The following DPP10 variants were observed in gnomAD, a reference collection of about 807,000 sequenced individuals.
The protein encoded by DPP10 is inactive dipeptidyl peptidase 10.
DPP10 carries 33 observed loss-of-function variants against 120.9 expected under a neutral mutation model. That is an observed-to-expected ratio of 0.27 (90% CI 0.21 to 0.37). The LOEUF (loss-of-function observed/expected upper bound fraction) is 0.37. Ranked by LOEUF, DPP10 falls within the 10% of genes least tolerant of loss-of-function variation. DPP10 has a pLI of 1.00. For synonymous variants in DPP10, 337 were observed against 326.1 expected (o/e 1.03, Z -0.36); for missense variants, 816 against 942.8 (o/e 0.87, Z 1.76).
intron 1 of DPP10, among the ~76,000 whole-genome samples, chr2:114,836,790 G>A (rs1436415304): frequency 6.6e-6 from 1 of 152,144 alleles, no homozygotes; most frequent in Non-Finnish European, 1.5e-5. Flanking sequence ...CATAAAAGAT[G>A]GCCGCACCCA....
In DPP10 at chr2:114,973,194, G is replaced by C. The variant is rs568653535; in HGVS notation, c.61-336045G>C. On this transcript the variant is annotated intron_variant, in intron 1 of 25. Transcript: ENST00000410059. ...AATGTCATAGCACAATGAATTTCTC[G>C]TGTGAGTGATGATGATGCTGTAAAC... is the stretch of plus-strand genomic sequence containing the variant. Among the ~76,000 whole-genome samples the C allele has an allele frequency of 3.3e-5, 5 of 152,104 alleles. No homozygotes were observed. The South Asian group carries it at 1.0e-3, about 32-fold the overall frequency.
intron 1 of DPP10, among the ~76,000 whole-genome samples, chr2:114,487,171 C>T (rs143776545): frequency 6.6e-6 from 1 of 152,280 alleles, no homozygotes; most frequent in Admixed American, 6.5e-5. Context: ...CCATATCTTG[C>T]CCTTGCACAC....
At chr2:115,049,680 A>G (rs556270368) in intron 1 of DPP10, among the ~76,000 whole-genome samples, 1 of 152,188 alleles carries the variant, frequency 6.6e-6, no homozygotes, top group Non-Finnish European at 1.5e-5. Flanking sequence ...GATCTGATAT[A>G]CTCACTATAT....
intron 1 of DPP10, among the ~76,000 whole-genome samples, chr2:115,254,636 GT>G (rs2058898984): frequency 1.3e-5 from 2 of 152,174 alleles, no homozygotes; most frequent in Non-Finnish European, 2.9e-5. Flanking sequence ...TCAAAAGCAA[GT>G]TAGTTACTTC....
At chr2:114,653,859 G>A (rs747910918) in intron 1 of DPP10, among the ~76,000 whole-genome samples, 27 of 152,208 alleles carry the variant, frequency 1.8e-4, no homozygotes, top group East Asian at 1.5e-3. Flanking sequence ...GATTCTCTTC[G>A]GGAATCCCTG....
chr2:114,500,198 A>G lies in DPP10; in HGVS notation c.60+57360A>G, dbSNP rs188064213. Among the ~76,000 whole-genome samples the G allele has an allele frequency of 2.6e-3, 391 of 152,388 alleles. 1 individual carries two copies. Among genetic ancestry groups the G allele is most frequent in the Non-Finnish European group, 4.7e-3 (320 of 68,040 alleles). ...AGAAACTAACAGAAGCCTGCCACAC[A>G]GTAGCCATTTAACATGGATTGATTC... On this transcript the variant is annotated intron_variant, in intron 1 of 25. Transcript: ENST00000410059.
At chr2:115,474,383 A>G (rs751384345) in intron 3 of DPP10, among the ~76,000 whole-genome samples, 5 of 152,186 alleles carry the variant, frequency 3.3e-5, no homozygotes, top group Non-Finnish European at 4.4e-5. Context: ...ATTAGAAAAC[A>G]TCATAGACCA....
Position 114,664,786 on chromosome 2 carries a change from A to ATGGCAGAGAGCATCCAAAAGG in DPP10, c.60+221969_60+221989dup, listed in dbSNP as rs1558982460. Among the ~76,000 whole-genome samples, 7 of 151,276 alleles carry ATGGCAGAGAGCATCCAAAAGG rather than the reference A, an allele frequency of 4.6e-5. No individual in the cohort carries two copies. The South Asian group carries it at 1.0e-3, about 23-fold the overall frequency. On this transcript the variant is annotated intron_variant, in intron 1 of 25. Coordinates refer to ENST00000410059, the MANE Select transcript of DPP10 (RefSeq NM_020868.6). ...AAAGATGGCATAGAGCATCCAAAAG[A>ATGGCAGAGAGCATCCAAAAGG]TGGCAGAGAGCATCCAAAAGGTGGC... is the stretch of plus-strand genomic sequence containing the variant.
At chr2:115,332,222 A>G (rs1262035529) in intron 2 of DPP10, among the ~76,000 whole-genome samples, 3 of 152,112 alleles carry the variant, frequency 2.0e-5, no homozygotes, top group Admixed American at 6.6e-5. Flanking sequence ...AGAGGTGTTT[A>G]TAGTATTCTC....
At chr2:114,501,015 G>T in intron 1 of DPP10, among the ~76,000 whole-genome samples, 1 of 152,170 alleles carries the variant, frequency 6.6e-6, no homozygotes, top group South Asian at 2.1e-4. Flanking sequence ...ACCTGCTTTA[G>T]GGTGGAAACT....
At chr2:115,297,594 C>T (rs1559382890) in intron 1 of DPP10, among the ~76,000 whole-genome samples, 1 of 152,026 alleles carries the variant, frequency 6.6e-6, no homozygotes, top group Non-Finnish European at 1.5e-5. Flanking sequence ...GCACCAAGAA[C>T]TTAGCTTGGC....
At chr2:115,141,646 G>T (rs2050933233) in intron 1 of DPP10, among the ~76,000 whole-genome samples, 2 of 152,184 alleles carry the variant, frequency 1.3e-5, no homozygotes, top group Non-Finnish European at 2.9e-5. Flanking sequence ...ATTCGGAAAA[G>T]AAATAATTTT....
At chr2:115,060,852 T>C (rs17043957) in intron 1 of DPP10, among the ~76,000 whole-genome samples, 6 of 152,146 alleles carry the variant, frequency 3.9e-5, no homozygotes, top group Non-Finnish European at 5.9e-5. Flanking sequence ...CCTCAAATTT[T>C]TAATCTTAGA....
At chr2:115,029,786 C>T (rs1036709222) in intron 1 of DPP10, among the ~76,000 whole-genome samples, 7 of 152,114 alleles carry the variant, frequency 4.6e-5, no homozygotes, top group Non-Finnish European at 1.0e-4. Flanking sequence ...GATCTCTTTG[C>T]ATCTTGCTTT....
intron 1 of DPP10, among the ~76,000 whole-genome samples, chr2:115,042,086 G>T (rs1045342751): frequency 2.7e-5 from 4 of 146,830 alleles, no homozygotes; most frequent in African/African-American, 1.0e-4. Context: ...TAAAATTTAG[G>T]TTTGAATTCA....
intron 1 of DPP10, among the ~76,000 whole-genome samples, chr2:115,278,633 G>C (rs1434732063): frequency 6.6e-6 from 1 of 151,978 alleles, no homozygotes; most frequent in Non-Finnish European, 1.5e-5. Flanking sequence ...GATCACATGG[G>C]GAGAGAGGAA....
chr2:114,675,779 C>T (rs1408089621), intron 1 of DPP10, among the ~76,000 whole-genome samples: 3 of 151,310 alleles, frequency 2.0e-5, no homozygotes, highest in East Asian at 2.0e-4. Context: ...TATGTATTTA[C>T]CATTTTCTGC....
intron 1 of DPP10, among the ~76,000 whole-genome samples, chr2:115,249,469 C>T (rs780415098): frequency 3.3e-5 from 5 of 151,830 alleles, no homozygotes; most frequent in South Asian, 2.1e-4. Flanking sequence ...TTTATTGGGT[C>T]GAGTGATTTT....
intron 1 of DPP10, among the ~76,000 whole-genome samples, chr2:114,901,895 T>C (rs1055063677): frequency 1.3e-5 from 2 of 152,142 alleles, no homozygotes; most frequent in African/African-American, 4.8e-5. Flanking sequence ...CAATAAGTGG[T>C]GTGGTCCAGT....
Sources: allele counts gnomAD v4.1 joint callset (sites outside exome capture counted in the v4.1 genomes callset), GRCh38; gene constraint gnomAD v4.1.1; transcripts MANE v1.5; gene names NCBI Gene and HGNC (gene_info 2026-07-23, HGNC 2026-07-21).